DEPDC1B: variants seen among roughly 807,000 people sequenced by gnomAD.
DEPDC1B encodes the protein DEP domain containing 1B, also known as DEP domain-containing protein 1B.
DEPDC1B carries 51 observed loss-of-function variants against 66.5 expected under a neutral mutation model. The observed-to-expected ratio is 0.77, with a 90% CI of 0.61 to 0.97. The LOEUF (loss-of-function observed/expected upper bound fraction) is 0.97. Ranked by LOEUF, DEPDC1B falls within the 50% of genes least tolerant of loss-of-function variation. The pLI is 0.00. For synonymous variants in DEPDC1B, 226 were observed against 223.6 expected (o/e 1.01, Z -0.10); for missense variants, 552 against 637.1 (o/e 0.87, Z 1.44).
chr5:60,692,540 G>T (rs1365711693), intron 1 of DEPDC1B, among the ~76,000 whole-genome samples: 4 of 152,160 alleles, frequency 2.6e-5, no homozygotes, highest in African/African-American at 4.8e-5. Flanking sequence ...TGGTAAGAAT[G>T]TGAAAGAACT....
chr5:60,656,430 G>A (rs1409338855), intron 2 of DEPDC1B, among the ~76,000 whole-genome samples: 2 of 152,230 alleles, frequency 1.3e-5, no homozygotes, highest in South Asian at 2.1e-4. Flanking sequence ...TTACAGGCAT[G>A]AGCCACCGTG....
chr5:60,671,381 A>C (rs1754031168), intron 2 of DEPDC1B, among the ~76,000 whole-genome samples: 1 of 152,206 alleles, frequency 6.6e-6, no homozygotes, highest in South Asian at 2.1e-4. Flanking sequence ...ATTTCCCTCC[A>C]AGAAGCCAAC....
intron 2 of DEPDC1B, among the ~76,000 whole-genome samples, chr5:60,678,854 T>C (rs1477751204): frequency 1.3e-5 from 2 of 152,212 alleles, no homozygotes; most frequent in African/African-American, 4.8e-5. Context: ...TGTCCTCTCA[T>C]CCTCTCATCC....
At chr5:60,613,326 A>G (rs1170276094) in intron 7 of DEPDC1B, among the ~76,000 whole-genome samples, 1 of 152,228 alleles carries the variant, frequency 6.6e-6, no homozygotes, top group African/African-American at 2.4e-5. Context: ...AGATGATGAT[A>G]GCAGCTCTGG....
intron 7 of DEPDC1B, among the ~76,000 whole-genome samples, chr5:60,615,380 G>A (rs1561358865): frequency 6.6e-6 from 1 of 152,164 alleles, no homozygotes; most frequent in Admixed American, 6.5e-5. Flanking sequence ...AAGGGGTCAG[G>A]GAATTCCCTT....
intron 2 of DEPDC1B, among the ~76,000 whole-genome samples, chr5:60,651,385 G>A (rs371673471): frequency 4.3e-4 from 65 of 152,046 alleles, no homozygotes; most frequent in African/African-American, 1.4e-3. Flanking sequence ...AAAATTAGCC[G>A]TGCATGGTGG....
rs556463378 is a variant in DEPDC1B at position 60,597,747 on chromosome 5, G to A, written c.*6C>T. On this transcript the variant is annotated 3_prime_UTR_variant, in exon 11 of 11. Coordinates refer to ENST00000265036, the MANE Select transcript of DEPDC1B (RefSeq NM_018369.3). ...GTCTCTAGCACCTGTTGCTGTGGAA[G>A]TATTATTACATTCGAAAACTTCTAG... 6.2e-7 allele frequency: 1 copy of A among 1,611,674 alleles called. No homozygotes were observed. Among genetic ancestry groups the A allele is most frequent in the Admixed American group, 1.7e-5 (1 of 59,284 alleles).
rs1415878472 is a variant in DEPDC1B at position 60,686,986 on chromosome 5, A to G, written c.290T>C (p.Phe97Ser). Reference protein sequence around the residue: ...DIKGKWGEEDFEDNRHLYRFP... With the variant: ...DIKGKWGEEDSEDNRHLYRFP... ...CCTGTATAAGTGACGATTGTCTTCA[A>G]AATCTTCCTCACCCCATTTTCCCTT... is the stretch of plus-strand genomic sequence containing the variant. Residue 97 changes from phenylalanine to serine, a missense_variant, in exon 2 of 11, where the codon TTT becomes TCT. Physicochemically the swap from Phe to Ser is radical, Grantham distance 155. Transcript: ENST00000265036. The G allele has an allele frequency of 1.2e-6, 2 of 1,614,124 alleles. No individual in the cohort carries two copies. The highest frequency in any genetic ancestry group is 1.7e-6 in the Non-Finnish European group (2 of 1,180,054).
At chr5:60,656,667 C>T (rs1020942777) in intron 2 of DEPDC1B, among the ~76,000 whole-genome samples, 8 of 152,238 alleles carry the variant, frequency 5.3e-5, no homozygotes, top group South Asian at 2.1e-4. Context: ...GGGAAGCAAA[C>T]GTGTCCTTCT....
chr5:60,668,195 A>AT (rs58337120), intron 2 of DEPDC1B, among the ~76,000 whole-genome samples: 36 of 61,566 alleles, frequency 5.8e-4, no homozygotes, highest in South Asian at 1.7e-3. Flanking sequence ...ATATATATAT[A>AT]AAATGGATAT....
intron 7 of DEPDC1B, among the ~76,000 whole-genome samples, chr5:60,626,147 A>T (rs1752805386): frequency 1.3e-5 from 2 of 152,030 alleles, no homozygotes; most frequent in Non-Finnish European, 2.9e-5. Context: ...GAAACCACTT[A>T]TCTTTGTCTC....
chr5:60,622,929 G>A (rs552693836), intron 7 of DEPDC1B, among the ~76,000 whole-genome samples: 4 of 152,046 alleles, frequency 2.6e-5, no homozygotes, highest in African/African-American at 9.6e-5. Flanking sequence ...GCTATGTAAT[G>A]GGAATTTTCT....
intron 7 of DEPDC1B, among the ~76,000 whole-genome samples, chr5:60,616,694 C>A (rs1752563613): frequency 6.6e-6 from 1 of 152,148 alleles, no homozygotes; most frequent in African/African-American, 2.4e-5. Flanking sequence ...GAGAATGGAA[C>A]CAAGTTGGAA....
intron 7 of DEPDC1B, among the ~76,000 whole-genome samples, chr5:60,608,652 T>TA (rs61452075): frequency 0.73 from 110,970 of 151,276 alleles, 41,934 homozygotes; most frequent in African/African-American, 0.93. Flanking sequence ...GGCTGTAAAA[T>TA]ATCAGAATTC....
intron 2 of DEPDC1B, among the ~76,000 whole-genome samples, chr5:60,680,273 A>G (rs1356613928): frequency 6.6e-6 from 1 of 152,206 alleles, no homozygotes. Context: ...GTTGGTTAAC[A>G]GGAAAGAAGT....
chr5:60,684,575 A>G (rs1278388689), intron 2 of DEPDC1B, among the ~76,000 whole-genome samples: 1 of 152,190 alleles, frequency 6.6e-6, no homozygotes, highest in Non-Finnish European at 1.5e-5. Flanking sequence ...ATCTCTCACC[A>G]TGTATAAAAG....
rs1561383703 is a variant in DEPDC1B, at chr5:60,667,546, A to ATGGATATTTTACATATATAAAAAAG, written c.314+19391_314+19415dup. Among the ~76,000 whole-genome samples the ATGGATATTTTACATATATAAAAAAG allele has an allele frequency of 1.1e-4, 16 of 145,728 alleles. No individual in the cohort carries two copies. The East Asian group carries it at 3.1e-3, about 29-fold the overall frequency. Reference sequence around the variant, plus strand: ...TGGATATTTTACATATATATAAAAAATGGATATTTTACATATATAAAAAAG... The same window carrying ATGGATATTTTACATATATAAAAAAG: ...TGGATATTTTACATATATATAAAAAATGGATATTTTACATATATAAAAAAGTGGATATTTTACATATATAAAAAAG... On this transcript the variant is annotated intron_variant, in intron 2 of 10. Coordinates refer to ENST00000265036, the MANE Select transcript of DEPDC1B (RefSeq NM_018369.3).
At chr5:60,684,849 T>G (rs1754376852) in intron 2 of DEPDC1B, among the ~76,000 whole-genome samples, 1 of 152,166 alleles carries the variant, frequency 6.6e-6, no homozygotes, top group South Asian at 2.1e-4. Context: ...AAGGGACTAA[T>G]ATCCAGAATA....
chr5:60,605,703 C>G lies in DEPDC1B; in HGVS notation c.1052G>C (p.Gly351Ala), dbSNP rs1752294922. 1.9e-6 allele frequency: 3 copies of G among 1,611,148 alleles called. No individual in the cohort carries two copies. The highest frequency in any genetic ancestry group is 2.5e-6 in the Non-Finnish European group (3 of 1,178,738). Residue 351 changes from glycine (G) to alanine (A), a missense_variant, in exon 8 of 11, where the codon GGT (glycine) becomes GCT (alanine). Coordinates refer to ENST00000265036, the MANE Select transcript of DEPDC1B (RefSeq NM_018369.3). ...AAATCAACCTACCAGTGTTCGGGTA[C>G]CAAAGCCATCACACAGGGGTGGCAT... The part of the protein sequence containing the change: ...KEMPPLCDGF[G>A]TRTLMVQTFS...
Sources: allele counts gnomAD v4.1 joint callset (sites outside exome capture counted in the v4.1 genomes callset), GRCh38; gene constraint gnomAD v4.1.1; transcripts MANE v1.5; gene names NCBI Gene and HGNC (gene_info 2026-07-23, HGNC 2026-07-21).